Variants in SCOC observed in about 807,000 individuals in gnomAD.
The protein encoded by SCOC is short coiled-coil protein, also known as short coiled coil protein.
A neutral mutation model predicts 9.9 loss-of-function variants in SCOC; 7 were observed. That is an observed-to-expected ratio of 0.71 (90% confidence interval 0.40 to 1.33). SCOC has a LOEUF of 1.33. SCOC is among the 40% of genes most tolerant of loss of function. SCOC has a pLI of 0.01. For missense variants in SCOC, 66 were observed against 89.7 expected (o/e 0.74, Z 1.07); for synonymous variants, 19 against 28.2 (o/e 0.67, Z 1.03).
intron 1 of SCOC, among the ~76,000 whole-genome samples, chr4:140,378,212 G>T (rs1728425173): frequency 6.6e-6 from 1 of 151,930 alleles, no homozygotes; most frequent in South Asian, 2.1e-4. Flanking sequence ...ATTTTAGATG[G>T]TCTAGTATTT....
chr4:140,370,572 T>C (rs1391035034), upstream of SCOC, among the ~76,000 whole-genome samples: 1 of 152,226 alleles, frequency 6.6e-6, no homozygotes, highest in Non-Finnish European at 1.5e-5. Context: ...ACTGAAAAGT[T>C]TGGGACCTGA....
chr4:140,265,502 C>T (rs1032037763), intron 1 of SCOC, among the ~76,000 whole-genome samples: 13 of 152,160 alleles, frequency 8.5e-5, no homozygotes, highest in Admixed American at 7.2e-4. Context: ...GAGACTTCAG[C>T]GCAGCCACGT....
At chr4:140,378,698 C>CT (rs1728446274) in intron 1 of SCOC, among the ~76,000 whole-genome samples, 1 of 152,074 alleles carries the variant, frequency 6.6e-6, no homozygotes, top group Non-Finnish European at 1.5e-5. Flanking sequence ...ATGTATATAA[C>CT]TTTCTTTGCA....
At chr4:140,367,001 T>C (rs972087678) in intron 2 of SCOC, 1 of 407,846 alleles carries the variant, frequency 2.5e-6, no homozygotes, top group Non-Finnish European at 4.6e-6. Context: ...AGGTCAGGAG[T>C]TTGAGACTAG....
At chr4:140,373,326 T>C, upstream of SCOC, 1 of 1,404,576 alleles carries the variant, frequency 7.1e-7, no homozygotes. Context: ...CACACTGGGA[T>C]TCTCACTCCA....
rs775200483 is a variant in SCOC, at chr4:140,379,662, C to T, written c.106+10C>T. The stretch of plus-strand genomic sequence containing the variant: ...CAACACACACTTGAAGGTTGGCTTG[C>T]ATTTTGTAGTTTATTTGAATGACAG... On this transcript the variant is annotated intron_variant, in intron 3 of 3. Coordinates refer to ENST00000608372, the MANE Select transcript of SCOC (RefSeq NM_001153484.2). The T allele has an allele frequency of 6.3e-7, 1 of 1,580,446 alleles. No individual in the cohort carries two copies. The highest frequency in any genetic ancestry group is 2.2e-5 in the East Asian group (1 of 44,484).
At chr4:140,344,784 G>T (rs1726654363) in intron 2 of SCOC, among the ~76,000 whole-genome samples, 1 of 152,208 alleles carries the variant, frequency 6.6e-6, no homozygotes, top group African/African-American at 2.4e-5. Flanking sequence ...AAAGACAGGG[G>T]AAACCCATGT....
At chr4:140,324,093 T>C (rs1442321423) in intron 1 of SCOC, among the ~76,000 whole-genome samples, 1 of 152,104 alleles carries the variant, frequency 6.6e-6, no homozygotes, top group Non-Finnish European at 1.5e-5. Context: ...ATCAATGTAA[T>C]TCATTATATT....
chr4:140,288,497 C>G (rs1279740333), intron 1 of SCOC, among the ~76,000 whole-genome samples: 3 of 151,888 alleles, frequency 2.0e-5, no homozygotes, highest in African/African-American at 7.3e-5. Flanking sequence ...GTACACACCA[C>G]AAACACTACA....
rs1732390139 is a variant in SCOC, at chr4:140,318,290, G to A, written c.-18-25331G>A. On this transcript the variant is annotated intron_variant, in intron 1 of 4. Coordinates refer to the SCOC transcript ENST00000394205. ...AAGAAACTACCATCAGAGTGAACAGGCAACCTAAAACATGGGAGAAAATTT... is the reference window on the plus strand; with the variant it reads ...AAGAAACTACCATCAGAGTGAACAGACAACCTAAAACATGGGAGAAAATTT... 3.1e-5 allele frequency among the ~76,000 whole-genome samples: 4 copies of A among 127,916 alleles called. No individual in the cohort carries two copies. In the Middle Eastern group the frequency reaches 0.011, roughly 340 times the overall value. 83.9% of individuals were successfully genotyped at this position (127,916 alleles called of 152,430 possible).
intron 1 of SCOC, among the ~76,000 whole-genome samples, chr4:140,259,700 C>A (rs1379486102): frequency 1.3e-5 from 2 of 152,138 alleles, no homozygotes; most frequent in East Asian, 3.8e-4. Flanking sequence ...CAGAGTGAGA[C>A]CATGTCTCCA....
chr4:140,373,732 G>C lies in SCOC; in HGVS notation c.-51+15G>C. The C allele has an allele frequency of 1.3e-6, 2 of 1,542,008 alleles. No individual in the cohort carries two copies. The highest frequency in any genetic ancestry group is 1.7e-6 in the Non-Finnish European group (2 of 1,145,672). ...TCAAGCGGAAGGTGAGGGCCGTCCC[G>C]GGCAGCGGAGGGCCTGGCCCCAGGC... On this transcript the variant is annotated intron_variant, in intron 1 of 3. Transcript: ENST00000608372.
At chr4:140,301,522 A>G (rs2126452441) in intron 1 of SCOC, among the ~76,000 whole-genome samples, 2 of 152,310 alleles carry the variant, frequency 1.3e-5, no homozygotes, top group South Asian at 4.1e-4. Context: ...GTGGTACCAG[A>G]TGCTGGCTCC....
intron 1 of SCOC, among the ~76,000 whole-genome samples, chr4:140,274,907 A>G (rs1730946402): frequency 2.0e-5 from 3 of 152,138 alleles, no homozygotes; most frequent in Non-Finnish European, 4.4e-5. Context: ...TTTTTGTTAA[A>G]TCCATCTAAT....
chr4:140,362,239 A>G, intron 2 of SCOC, among the ~76,000 whole-genome samples: 1 of 100,714 alleles, frequency 9.9e-6, no homozygotes, highest in African/African-American at 3.5e-5. Flanking sequence ...AATTGTTTTA[A>G]AACAAACTAA....
At chr4:140,331,040 T>C (rs1056041004) in intron 1 of SCOC, among the ~76,000 whole-genome samples, 2 of 152,188 alleles carry the variant, frequency 1.3e-5, no homozygotes, top group Non-Finnish European at 2.9e-5. Flanking sequence ...TTTCCCTTAT[T>C]AGGCAGCTCT....
At chr4:140,291,641 G>A (rs757055072) in intron 1 of SCOC, 13 of 395,666 alleles carry the variant, frequency 3.3e-5, no homozygotes, top group East Asian at 2.9e-4. Context: ...TGTACCTGAC[G>A]CTTATTAATA....
At chr4:140,268,282 A>G (rs1170045157) in intron 1 of SCOC, among the ~76,000 whole-genome samples, 1 of 152,206 alleles carries the variant, frequency 6.6e-6, no homozygotes, top group East Asian at 1.9e-4. Context: ...TTCAAATAGA[A>G]CAGAGAATAA....
intron 2 of SCOC, among the ~76,000 whole-genome samples, chr4:140,344,899 C>T (rs1226556971): frequency 1.3e-5 from 2 of 152,104 alleles, no homozygotes; most frequent in Admixed American, 6.5e-5. Context: ...TGTGACTCAG[C>T]CCAGAATTTT....
Sources: allele counts gnomAD v4.1 joint callset (sites outside exome capture counted in the v4.1 genomes callset), GRCh38; gene constraint gnomAD v4.1.1; transcripts MANE v1.5; gene names NCBI Gene and HGNC (gene_info 2026-07-23, HGNC 2026-07-21).